Variants in HOXD8 observed in about 807,000 individuals in gnomAD.
The protein encoded by HOXD8 is homeobox protein Hox-D8.
In HOXD8, 17 loss-of-function variants were observed where a neutral mutation model predicts 25.4. The observed-to-expected ratio is 0.67, with a 90% CI of 0.46 to 1.00. The LOEUF (loss-of-function observed/expected upper bound fraction) is 1.00, where lower values mean the gene tolerates loss of function less well. Among genes scored for constraint, HOXD8 ranks in the 50% least tolerant of loss-of-function variants. The pLI is 0.00. For synonymous variants in HOXD8, 203 were observed against 175.3 expected (o/e 1.16, Z -1.25); for missense variants, 511 against 398.5 (o/e 1.28, Z -2.40).
rs1690121750 is a variant in HOXD8, at chr2:176,131,804, T to A, written c.*192T>A. ...AAAGTTTCTAGTATCACATAGAAGCTGTCCTTGAGCTGTCCTATGGAAGGG... is the reference window on the plus strand; with the variant it reads ...AAAGTTTCTAGTATCACATAGAAGCAGTCCTTGAGCTGTCCTATGGAAGGG... On this transcript the variant is annotated 3_prime_UTR_variant, in exon 2 of 2. Coordinates refer to ENST00000313173, the MANE Select transcript of HOXD8 (RefSeq NM_019558.4). 2 of 560,158 alleles carry A rather than the reference T, an allele frequency of 3.6e-6. No homozygotes were observed. Among genetic ancestry groups the A allele is most frequent in the Non-Finnish European group, 6.3e-6 (2 of 319,068 alleles). The allele number at this position is 560,158 out of a possible 1,614,324, so 34.7% of individuals were successfully genotyped here. A position where few individuals can be genotyped will look rare whatever the true frequency, so the allele number is the denominator to read the frequency against.
rs936880458 is a variant in HOXD8, at chr2:176,130,619, G to A, written c.253G>A (p.Gly85Ser). ...SPPPSGTGCG[G>S]REGRGQEYFH... ...GCCGCCCTCCGGGACTGGGTGCGGC[G>A]GTAGGGAAGGCCGGGGCCAGGAGTA... Residue 85 changes from glycine (G) to serine (S), a missense_variant, in exon 1 of 2, where the codon GGT becomes AGT. Gly to Ser is a moderately conservative substitution (Grantham distance 56). Coordinates refer to ENST00000313173, the MANE Select transcript of HOXD8 (RefSeq NM_019558.4). 5.3e-6 allele frequency: 8 copies of A among 1,508,992 alleles called. No individual in the cohort carries two copies. Among genetic ancestry groups the A allele is most frequent in the African/African-American group, 1.4e-5 (1 of 69,254 alleles). 93.5% of individuals were successfully genotyped at this position (1,508,992 alleles called of 1,614,324 possible).
At position 176,130,397 on chromosome 2, in the gene HOXD8, T is replaced by C; in HGVS notation, c.31T>C (p.Ser11Pro). 10 of 1,483,178 alleles carry C rather than the reference T, an allele frequency of 6.7e-6. No homozygotes were observed. The highest frequency in any genetic ancestry group is 8.0e-6 in the Non-Finnish European group (9 of 1,124,602). 91.9% of individuals were successfully genotyped at this position (1,483,178 alleles called of 1,614,324 possible). The change falls in exon 1 of 2, where the codon TCC becomes CCC. Residue 11 changes from serine (S) to proline (P), a missense_variant. Transcript: ENST00000313173. The stretch of plus-strand genomic sequence containing the variant: ...TTCGTACTTCGTGAACCCGCTGTAC[T>C]CCAAGTACAAGGCGGCGGCTGCGGC... MSSYFVNPLY[S>P]KYKAAAAAAA...
Position 176,129,901 on chromosome 2 carries a change from T to C in HOXD8, c.-466T>C. ...TTTCTTTTCCCTCCAGAGCCGGGGT[T>C]TGTAAACCGAGGCCAGAGTGTCCCC... On this transcript the variant is annotated 5_prime_UTR_variant, in exon 1 of 2. Coordinates refer to ENST00000313173, the MANE Select transcript of HOXD8 (RefSeq NM_019558.4). The C allele has an allele frequency of 4.4e-6, 1 of 225,364 alleles. No homozygotes were observed. Among genetic ancestry groups the C allele is most frequent in the Admixed American group, 5.6e-5 (1 of 17,910 alleles). 14.0% of individuals were successfully genotyped at this position (225,364 alleles called of 1,614,324 possible). A position where few individuals can be genotyped will look rare whatever the true frequency, so the allele number is the denominator to read the frequency against.
rs560225489 is a variant in HOXD8, at chr2:176,130,417, TGCGGCGGCG to T, written c.62_70del (p.Ala21_Ala23del). 2.8e-4 allele frequency: 408 copies of T among 1,475,492 alleles called. No individual in the cohort carries two copies. The highest frequency in any genetic ancestry group is 3.0e-4 in the Non-Finnish European group (340 of 1,118,360). The allele number at this position is 1,475,492 out of a possible 1,614,324, so 91.4% of individuals were successfully genotyped here. Reference sequence around the variant, plus strand: ...TGTACTCCAAGTACAAGGCGGCGGCTGCGGCGGCGGCGGCGGCGGGCGAGGCCATCAATC... The same window carrying T: ...TGTACTCCAAGTACAAGGCGGCGGCTGCGGCGGCGGGCGAGGCCATCAATC... On this transcript the variant is annotated inframe_deletion, in exon 1 of 2. Transcript: ENST00000313173.
chr2:176,132,555 G>C lies in HOXD8; in HGVS notation c.*943G>C, dbSNP rs567861039. 1 of 152,302 alleles carries C rather than the reference G, an allele frequency of 6.6e-6. No homozygotes were observed. Among genetic ancestry groups the C allele is most frequent in the South Asian group, 2.1e-4 (1 of 4,826 alleles). The allele number at this position is 152,302 out of a possible 1,614,324, so 9.4% of individuals were successfully genotyped here. Reference sequence around the variant, plus strand: ...CTGTGTGCATCTCAGACGTCGGTTGGTACGTCCTCCGCTGTTCTTCAGGAA... The same window carrying C: ...CTGTGTGCATCTCAGACGTCGGTTGCTACGTCCTCCGCTGTTCTTCAGGAA... On this transcript the variant is annotated 3_prime_UTR_variant, in exon 2 of 2. Transcript: ENST00000313173.
chr2:176,131,002 G>C (rs577550151), intron 1 of HOXD8, 59 bp downstream of exon 1: 2 of 1,180,836 alleles, frequency 1.7e-6, no homozygotes, highest in African/African-American at 3.1e-5. Flanking sequence ...TTCATCTCAC[G>C]TTCTGGCTTT....
In HOXD8 at chr2:176,130,742, G is replaced by A. The variant is rs1250450568; in HGVS notation, c.376G>A (p.Gly126Arg). 6.2e-7 allele frequency: 1 copy of A among 1,609,554 alleles called. No homozygotes were observed. The highest frequency in any genetic ancestry group is 1.7e-5 in the Admixed American group (1 of 59,768). The stretch of plus-strand genomic sequence containing the variant: ...TCCGCCGCCACCTCCCCCCTGCGGC[G>A]GGATTGCCTGTCACGGGGAGCCCGC... ...PPPPPPPPCG[G>R]IACHGEPAKF... Residue 126 changes from glycine (G) to arginine (R), a missense_variant, in exon 1 of 2, where the codon GGG becomes AGG. By Grantham distance (125) the Gly-to-Arg change is moderately radical. Transcript: ENST00000313173.
rs555382258 is a variant in HOXD8, at chr2:176,130,918, A to G, written c.552A>G (p.Gln184=). 3 of 1,596,810 alleles carry G rather than the reference A, an allele frequency of 1.9e-6. No homozygotes were observed. The highest frequency in any genetic ancestry group is 2.6e-6 in the Non-Finnish European group (3 of 1,169,782). ...DHLNQSSSPS[Q]MFPWMRPQAA... Reference sequence around the variant, plus strand: ...TAAATCAGAGCTCGTCTCCTTCTCAAATGTTTCCGTGGATGAGACCACAAG... The same window carrying G: ...TAAATCAGAGCTCGTCTCCTTCTCAGATGTTTCCGTGGATGAGACCACAAG... Residue 184 remains glutamine, a synonymous_variant, in exon 1 of 2, where the codon CAA becomes CAG. Transcript: ENST00000313173.
Position 176,132,609 on chromosome 2 carries a change from C to G in HOXD8, c.*997C>G, listed in dbSNP as rs1397500454. ...GATAGCCTCACCTATTTGAAACAAG[C>G]CCTGAGAGGAAACGCAGAAAAACCT... On this transcript the variant is annotated 3_prime_UTR_variant, in exon 2 of 2. Coordinates refer to ENST00000313173, the MANE Select transcript of HOXD8 (RefSeq NM_019558.4). 6.6e-6 allele frequency: 1 copy of G among 152,172 alleles called. No individual in the cohort carries two copies. The highest frequency in any genetic ancestry group is 1.5e-5 in the Non-Finnish European group (1 of 68,054). The allele number at this position is 152,172 out of a possible 1,614,324, so 9.4% of individuals were successfully genotyped here.
At position 176,129,836 on chromosome 2, in the gene HOXD8, G is replaced by A. The variant is rs2105403967; in HGVS notation, c.-531G>A. ...AGATTGGCGGGAGGGGGGCGCGGGG[G>A]GGGCGCGGTAAGAGGTGGCGGCGGG... On this transcript the variant is annotated 5_prime_UTR_variant, in exon 1 of 2. Transcript: ENST00000313173. 1 of 267,744 alleles carries A rather than the reference G, an allele frequency of 3.7e-6. No individual in the cohort carries two copies. Among genetic ancestry groups the A allele is most frequent in the Non-Finnish European group, 7.4e-6 (1 of 135,316 alleles). 16.6% of individuals were successfully genotyped at this position (267,744 alleles called of 1,614,324 possible).
chr2:176,130,812 C>T lies in HOXD8; in HGVS notation c.446C>T (p.Thr149Met). The part of the protein sequence containing the change: ...YDNLQRQPIF[T>M]TQQEAELVQY... ...AACTTACAGAGACAGCCGATTTTTA[C>T]GACCCAGCAAGAGGCCGAGCTGGTA... The change falls in exon 1 of 2, where the codon ACG becomes ATG. Residue 149 changes from threonine (T) to methionine (M), a missense_variant. Transcript: ENST00000313173. The T allele has an allele frequency of 6.2e-7, 1 of 1,613,334 alleles. No individual in the cohort carries two copies. The highest frequency in any genetic ancestry group is 1.3e-5 in the African/African-American group (1 of 74,970).
rs755087050 is a variant in HOXD8, at chr2:176,131,351, C to T, written c.612C>T (p.Tyr204=). 6 of 1,590,164 alleles carry T rather than the reference C, an allele frequency of 3.8e-6. No homozygotes were observed. The East Asian group carries it at 1.4e-4, about 38-fold the overall frequency. Residue 204 remains tyrosine, a synonymous_variant, in exon 2 of 2, where the codon TAC becomes TAT. Transcript: ENST00000313173. ...GTAGACGAAGAGGAAGACAAACCTA[C>T]AGTCGCTTCCAAACTCTAGAGTTGG... The part of the protein sequence containing the change: ...APGRRRGRQT[Y]SRFQTLELEK...
At position 176,130,334 on chromosome 2, in the gene HOXD8, C is replaced by T. The variant is rs1246465953; in HGVS notation, c.-33C>T. 10 of 1,366,060 alleles carry T rather than the reference C, an allele frequency of 7.3e-6. No individual in the cohort carries two copies. The highest frequency in any genetic ancestry group is 4.0e-5 in the Admixed American group (1 of 24,838). The allele number at this position is 1,366,060 out of a possible 1,614,324, so 84.6% of individuals were successfully genotyped here. On this transcript the variant is annotated 5_prime_UTR_variant, in exon 1 of 2. Coordinates refer to ENST00000313173, the MANE Select transcript of HOXD8 (RefSeq NM_019558.4). Reference sequence around the variant, plus strand: ...CGCTCTCTGGCTGCTTAGCGCCGCCCGCCCGCCCGGGGCCGCCGCCGCTGA... The same window carrying T: ...CGCTCTCTGGCTGCTTAGCGCCGCCTGCCCGCCCGGGGCCGCCGCCGCTGA...
At chr2:176,131,060 A>T (rs1289266477) in intron 1 of HOXD8, 117 bp downstream of exon 1, 4 of 741,596 alleles carry the variant, frequency 5.4e-6, no homozygotes, top group Non-Finnish European at 8.7e-6. Context: ...GTGTAGCCAC[A>T]GTGGCTCTTA....
rs1375991256 is a variant in HOXD8 at position 176,131,610 on chromosome 2, T to TA, written c.873dup. Reference sequence around the variant, plus strand: ...AGACAGAGCCGAAGGCCTGACAAATTAACTTCTACCTTTAAAATTTACCAC... The same window carrying TA: ...AGACAGAGCCGAAGGCCTGACAAATTAAACTTCTACCTTTAAAATTTACCAC... ...EEDRAEGLTN[*] is the part of the protein sequence containing the mutation. The change falls in exon 2 of 2, where the codon TAA becomes TAAA. Residue 291 remains the stop codon, a frameshift_variant and stop_retained_variant. Transcript: ENST00000313173. LOFTEE classifies it high-confidence loss of function. 1 of 1,530,576 alleles carries TA rather than the reference T, an allele frequency of 6.5e-7. No homozygotes were observed. Among genetic ancestry groups the TA allele is most frequent in the South Asian group, 1.2e-5 (1 of 86,258 alleles). 94.8% of individuals were successfully genotyped at this position (1,530,576 alleles called of 1,614,324 possible).
At chr2:176,131,164 C>T (rs1205194570) in intron 1 of HOXD8, among the ~76,000 whole-genome samples, 153 bp from the exon 2 acceptor site, 5 of 111,714 alleles carry the variant, frequency 4.5e-5, no homozygotes, top group Non-Finnish European at 6.6e-5. Flanking sequence ...GCTCCTCTTG[C>T]CTGCACACCC....
At position 176,130,431 on chromosome 2, in the gene HOXD8, C is replaced by CG; in HGVS notation, c.67dup (p.Ala23GlyfsTer64). On this transcript the variant is annotated frameshift_variant, in exon 1 of 2. Transcript: ENST00000313173. LOFTEE classifies it high-confidence loss of function. ...AAGGCGGCGGCTGCGGCGGCGGCGG[C>CG]GGCGGGCGAGGCCATCAATCCCACT... 2 of 1,488,276 alleles carry CG rather than the reference C, an allele frequency of 1.3e-6. No homozygotes were observed. Among genetic ancestry groups the CG allele is most frequent in the African/African-American group, 1.5e-5 (1 of 68,200 alleles). The allele number at this position is 1,488,276 out of a possible 1,614,324, so 92.2% of individuals were successfully genotyped here. A position where few individuals can be genotyped will look rare whatever the true frequency, so the allele number is the denominator to read the frequency against.
chr2:176,130,793 C>A lies in HOXD8; in HGVS notation c.427C>A (p.Gln143Lys). ...GAAGTTTTACGGATACGATAACTTA[C>A]AGAGACAGCCGATTTTTACGACCCA... Reference protein sequence around the residue: ...PAKFYGYDNLQRQPIFTTQQE... With the variant: ...PAKFYGYDNLKRQPIFTTQQE... Residue 143 changes from glutamine to lysine, a missense_variant, in exon 1 of 2, where the codon CAG becomes AAG. Physicochemically the swap from Gln to Lys is moderately conservative, Grantham distance 53 (BLOSUM62 1). Coordinates refer to ENST00000313173, the MANE Select transcript of HOXD8 (RefSeq NM_019558.4). 1 of 1,613,408 alleles carries A rather than the reference C, an allele frequency of 6.2e-7. No individual in the cohort carries two copies. The highest frequency in any genetic ancestry group is 8.5e-7 in the Non-Finnish European group (1 of 1,179,790).
chr2:176,131,556 A>G lies in HOXD8; in HGVS notation c.817A>G (p.Thr273Ala). The G allele has an allele frequency of 6.2e-7, 1 of 1,612,228 alleles. No individual in the cohort carries two copies. Residue 273 changes from threonine (T) to alanine (A), a missense_variant, in exon 2 of 2, where the codon ACG (threonine) becomes GCG (alanine). Physicochemically the swap from Thr to Ala is moderately conservative, Grantham distance 58. Transcript: ENST00000313173. ...VSRQEVKDGE[T>A]KKEAQELEED... is the part of the protein sequence containing the mutation. ...CCGGCAGGAGGTGAAGGACGGGGAA[A>G]CGAAAAAGGAAGCCCAAGAGCTGGA...
Sources: allele counts gnomAD v4.1 joint callset (sites outside exome capture counted in the v4.1 genomes callset), GRCh38; gene constraint gnomAD v4.1.1; transcripts MANE v1.5; gene names NCBI Gene and HGNC (gene_info 2026-07-23, HGNC 2026-07-21).